EYS: variants seen among roughly 807,000 people sequenced by gnomAD.
EYS encodes EGF-like photoreceptor maintenance factor.
Under a neutral mutation model 282.1 loss-of-function variants are expected in EYS, and 250 were observed. The ratio of observed to expected loss-of-function variants is 0.89; its 90% CI spans 0.80 to 0.98. The LOEUF (loss-of-function observed/expected upper bound fraction) is 0.98. Among genes scored for constraint, EYS ranks in the 50% least tolerant of loss-of-function variants. The pLI is 0.00. For synonymous variants in EYS, 1,355 were observed against 1,282.9 expected (o/e 1.06, Z -1.20); for missense variants, 4,016 against 3,709.0 (o/e 1.08, Z -2.15).
chr6:64,396,781 A>G (rs1773394072), intron 28 of EYS, among the ~76,000 whole-genome samples: 1 of 151,972 alleles, frequency 6.6e-6, no homozygotes, highest in Non-Finnish European at 1.5e-5. Context: ...CAATTTTTCT[A>G]TCTTTGTACC....
At chr6:64,388,580 G>A (rs1018049478) in intron 29 of EYS, 110 bp downstream of exon 29, 468 of 979,708 alleles carry the variant, frequency 4.8e-4, no homozygotes, top group Non-Finnish European at 6.2e-4. Flanking sequence ...CATGCAGATG[G>A]CCCCACTAGC....
At chr6:64,312,930 C>A (rs966222255) in intron 29 of EYS, among the ~76,000 whole-genome samples, 2 of 112,682 alleles carry the variant, frequency 1.8e-5, no homozygotes, top group African/African-American at 5.9e-5. Flanking sequence ...TGGGGAGAAA[C>A]CAGTGCAAAA....
At chr6:64,456,670 T>G (rs183814007) in intron 26 of EYS, among the ~76,000 whole-genome samples, 1 of 151,210 alleles carries the variant, frequency 6.6e-6, no homozygotes, top group South Asian at 2.1e-4. Context: ...ATAAAGTGGG[T>G]TTTTTTGCAG....
chr6:65,042,230 A>G (rs1372120143), intron 13 of EYS, among the ~76,000 whole-genome samples: 1 of 151,352 alleles, frequency 6.6e-6, no homozygotes, highest in Non-Finnish European at 1.5e-5. Context: ...TCTTTCTTGC[A>G]ACTTATCTAT....
At chr6:63,970,510 C>T (rs1419401797) in intron 35 of EYS, among the ~76,000 whole-genome samples, 1 of 152,062 alleles carries the variant, frequency 6.6e-6, no homozygotes, top group East Asian at 1.9e-4. Context: ...TGGCGGGTGC[C>T]TGTAGTCCCA....
At chr6:64,735,983 T>C (rs1447248743) in intron 22 of EYS, among the ~76,000 whole-genome samples, 2 of 152,112 alleles carry the variant, frequency 1.3e-5, no homozygotes, top group African/African-American at 4.8e-5. Context: ...GCTTAGTCCT[T>C]GAAGTTCTAT....
chr6:64,229,906 T>C (rs1766367442), intron 31 of EYS, among the ~76,000 whole-genome samples: 1 of 152,214 alleles, frequency 6.6e-6, no homozygotes, highest in Non-Finnish European at 1.5e-5. Flanking sequence ...CTCCCTAATT[T>C]AGAACTGGAG....
intron 5 of EYS, among the ~76,000 whole-genome samples, chr6:65,441,322 T>C (rs1490321323): frequency 1.3e-5 from 2 of 151,980 alleles, no homozygotes; most frequent in African/African-American, 4.8e-5. Flanking sequence ...TTTTTAATAT[T>C]TTTGCACTAT....
chr6:64,728,697 G>A (rs1254425201), intron 22 of EYS: 1 of 152,216 alleles, frequency 6.6e-6, no homozygotes, highest in Non-Finnish European at 1.5e-5. Context: ...CAGCTCAGTG[G>A]GCCCCCTGCC....
chr6:64,892,943 C>T (rs1767333342), intron 18 of EYS, among the ~76,000 whole-genome samples: 1 of 152,028 alleles, frequency 6.6e-6, no homozygotes, highest in Non-Finnish European at 1.5e-5. Context: ...ACTGAATGGT[C>T]ACAATATGCT....
rs1009857093 is a variant in EYS, at chr6:64,373,033, C to T, written c.6078+15657G>A. Among the ~76,000 whole-genome samples the T allele has an allele frequency of 1.0e-3, 158 of 152,164 alleles. 2 individuals carry two copies. Among genetic ancestry groups the T allele is most frequent in the East Asian group, 3.9e-4 (2 of 5,176 alleles). ...TCCTGTATGTTGATAATCTTTATTC[C>T]TATCCATATTCTTAATTATGTTTCT... On this transcript the variant is annotated intron_variant, in intron 29 of 42. Coordinates refer to ENST00000503581, the MANE Select transcript of EYS (RefSeq NM_001142800.2).
At chr6:63,908,211 A>G (rs1475762769) in intron 35 of EYS, among the ~76,000 whole-genome samples, 2 of 151,780 alleles carry the variant, frequency 1.3e-5, no homozygotes, top group East Asian at 3.9e-4. Context: ...AGCATATGAA[A>G]AAATACTCAA....
In EYS at chr6:63,788,149, G is replaced by A. The variant is rs1389123143; in HGVS notation, c.7679C>T (p.Pro2560Leu). ...FYVGGYSEYT[P>L]DLLPNGADFK... ...ATCTGCTCCATTTGGTAAGAGATCT[G>A]GAGTGTATTCACTGTAGCCACCTAC... The change falls in exon 39 of 43, where the codon CCA (proline) becomes CTA (leucine). Residue 2560 changes from proline to leucine, a missense_variant. Coordinates refer to ENST00000503581, the MANE Select transcript of EYS (RefSeq NM_001142800.2). The A allele has an allele frequency of 7.1e-6, 11 of 1,548,706 alleles. No individual in the cohort carries two copies. In the East Asian group the frequency reaches 2.5e-4, roughly 34 times the overall value.
At chr6:65,011,557 T>C (rs1771870967) in intron 13 of EYS, among the ~76,000 whole-genome samples, 2 of 152,098 alleles carry the variant, frequency 1.3e-5, no homozygotes, top group African/African-American at 2.4e-5. Flanking sequence ...ACCCCTACTA[T>C]GCCCCAGTTC....
chr6:65,125,436 C>T (rs1309622988), intron 12 of EYS, among the ~76,000 whole-genome samples: 3 of 152,058 alleles, frequency 2.0e-5, no homozygotes, highest in African/African-American at 7.2e-5. Flanking sequence ...TTTCTGTTGC[C>T]TAGAACAATA....
intron 11 of EYS, among the ~76,000 whole-genome samples, chr6:65,305,496 G>A (rs1768980317): frequency 6.6e-6 from 1 of 152,216 alleles, no homozygotes; most frequent in Admixed American, 6.5e-5. Flanking sequence ...AGAGGGCTGA[G>A]CAGCTCAGGA....
At chr6:64,450,312 C>A (rs960681397) in intron 26 of EYS, among the ~76,000 whole-genome samples, 6 of 152,086 alleles carry the variant, frequency 3.9e-5, no homozygotes, top group African/African-American at 7.2e-5. Flanking sequence ...AACTAACTAT[C>A]CTAAATATAT....
chr6:64,994,987 A>G (rs937699938), intron 14 of EYS, among the ~76,000 whole-genome samples: 6 of 152,112 alleles, frequency 3.9e-5, no homozygotes, highest in African/African-American at 1.2e-4. Flanking sequence ...GACAGATAAT[A>G]ATGTCTTTGA....
At chr6:64,336,508 C>T (rs1377619075) in intron 29 of EYS, among the ~76,000 whole-genome samples, 5 of 152,078 alleles carry the variant, frequency 3.3e-5, no homozygotes, top group African/African-American at 7.2e-5. Flanking sequence ...AAGAGATAGA[C>T]AGCAACACAA....
Sources: gnomAD v4.1 joint callset for allele counts (sites outside exome capture counted in the v4.1 genomes callset) on GRCh38, gnomAD v4.1.1 for gene constraint, MANE v1.5 for transcripts, NCBI Gene and HGNC (gene_info 2026-07-23, HGNC 2026-07-21) for gene names.